MTOR: variants seen among roughly 807,000 people sequenced by gnomAD.
MTOR encodes serine/threonine-protein kinase mTOR.
Under a neutral mutation model 319.8 loss-of-function variants are expected in MTOR, and 70 were observed. The observed-to-expected ratio is 0.22, with a 90% CI of 0.18 to 0.27. The LOEUF (loss-of-function observed/expected upper bound fraction) is 0.27, where lower values mean the gene tolerates loss of function less well. Ranked by LOEUF, MTOR falls within the 10% of genes least tolerant of loss-of-function variation. The pLI, the probability that MTOR is intolerant of heterozygous loss-of-function variation, is 1.00. For missense variants in MTOR, 1,890 were observed against 3,274.4 expected (o/e 0.58, Z 10.32); for synonymous variants, 1,183 against 1,211.4 (o/e 0.98, Z 0.49).
chr1:11,257,237 A>G, intron 3 of MTOR, 72 bp from the exon 4 acceptor site: 1 of 1,358,210 alleles, frequency 7.4e-7, no homozygotes, highest in East Asian at 2.5e-5. Flanking sequence ...GACTTCAACT[A>G]AAAGCTGGTG....
At chr1:11,248,252 C>A (rs1027095350) in intron 6 of MTOR, among the ~76,000 whole-genome samples, 158 bp from the exon 7 acceptor site, 1 of 152,166 alleles carries the variant, frequency 6.6e-6, no homozygotes, top group African/African-American at 2.4e-5. Flanking sequence ...TACAATTTCC[C>A]CAGAACCTTG....
intron 25 of MTOR, among the ~76,000 whole-genome samples, chr1:11,205,250 A>G (rs1287151658): frequency 3.3e-5 from 5 of 152,186 alleles, no homozygotes; most frequent in Non-Finnish European, 7.3e-5. Flanking sequence ...TGAACTCTCC[A>G]GACATCAAGA....
At chr1:11,164,120 G>A (rs1236275405) in intron 29 of MTOR, among the ~76,000 whole-genome samples, 8 of 152,098 alleles carry the variant, frequency 5.3e-5, no homozygotes, top group East Asian at 1.9e-4. Context: ...CGAGGTGGGC[G>A]GATCACGAGG....
In MTOR at chr1:11,220,820, C is replaced by T. The variant is rs187828264; in HGVS notation, c.3031-4586G>A. 1.6e-4 allele frequency among the ~76,000 whole-genome samples: 24 copies of T among 152,184 alleles called. No individual in the cohort carries two copies. In the East Asian group the frequency reaches 4.4e-3, roughly 28 times the overall value. On this transcript the variant is annotated intron_variant, in intron 19 of 57. Coordinates refer to ENST00000361445, the MANE Select transcript of MTOR (RefSeq NM_004958.4). Reference sequence around the variant, plus strand: ...CCTAGAGAGCTGTAAGATAAGAAATCTGTGTTAAGCCACTAAATTTGTGGT... The same window carrying T: ...CCTAGAGAGCTGTAAGATAAGAAATTTGTGTTAAGCCACTAAATTTGTGGT...
At position 11,147,708 on chromosome 1, in the gene MTOR, CAGA is replaced by C. The variant is rs567867380; in HGVS notation, c.4571-920_4571-918del. 3.9e-4 allele frequency among the ~76,000 whole-genome samples: 60 copies of C among 152,286 alleles called. 1 individual carries two copies. Among genetic ancestry groups the C allele is most frequent in the African/African-American group, 1.2e-3 (51 of 41,556 alleles). ...TATAAGCTCTGTGACTCAAGAGGGACAGAAGAAGAGAATGGAGGTAGAGGGTTA... is the reference window on the plus strand; with the variant it reads ...TATAAGCTCTGTGACTCAAGAGGGACAGAAGAGAATGGAGGTAGAGGGTTA... On this transcript the variant is annotated intron_variant, in intron 31 of 57. Coordinates refer to ENST00000361445, the MANE Select transcript of MTOR (RefSeq NM_004958.4).
At chr1:11,260,491 G>A (rs916096751) in intron 1 of MTOR, among the ~76,000 whole-genome samples, 1 of 151,584 alleles carries the variant, frequency 6.6e-6, no homozygotes, top group South Asian at 2.1e-4. Context: ...GCAGTGAGCT[G>A]AGATTGGGCC....
intron 29 of MTOR, among the ~76,000 whole-genome samples, chr1:11,159,340 T>G (rs1468732882): frequency 2.0e-5 from 3 of 152,110 alleles, no homozygotes; most frequent in African/African-American, 7.2e-5. Flanking sequence ...CTTAGTCTAG[T>G]TACAGATAAT....
chr1:11,183,534 A>G (rs1645223949), intron 28 of MTOR, among the ~76,000 whole-genome samples: 1 of 152,208 alleles, frequency 6.6e-6, no homozygotes, highest in South Asian at 2.1e-4. Context: ...ATTGAAGATA[A>G]TAGAAATATT....
intron 28 of MTOR, among the ~76,000 whole-genome samples, chr1:11,183,224 G>A (rs1288052646): frequency 6.6e-6 from 1 of 152,126 alleles, no homozygotes; most frequent in Non-Finnish European, 1.5e-5. Context: ...AATGAGATGG[G>A]ATAGCTTTTC....
At chr1:11,261,639 G>A (rs1201857223) in intron 1 of MTOR, among the ~76,000 whole-genome samples, 1 of 151,940 alleles carries the variant, frequency 6.6e-6, no homozygotes, top group Non-Finnish European at 1.5e-5. Context: ...AAGGCACAGA[G>A]GAAAAACCTG....
intron 29 of MTOR, among the ~76,000 whole-genome samples, chr1:11,159,055 T>C (rs928710944): frequency 6.6e-6 from 1 of 152,132 alleles, no homozygotes; most frequent in African/African-American, 2.4e-5. Flanking sequence ...AACCTGAAGA[T>C]GGAGAAAGTT....
At chr1:11,176,843 G>A (rs952857758) in intron 28 of MTOR, among the ~76,000 whole-genome samples, 8 of 152,208 alleles carry the variant, frequency 5.3e-5, no homozygotes, top group African/African-American at 1.9e-4. Flanking sequence ...GGAAGATCTG[G>A]GGTTGGCTAG....
intron 49 of MTOR, among the ~76,000 whole-genome samples, chr1:11,120,313 T>G (rs1042169448): frequency 6.6e-6 from 1 of 151,782 alleles, no homozygotes; most frequent in Admixed American, 6.6e-5. Flanking sequence ...CCAAGGTGGG[T>G]GGATCACTTG....
At chr1:11,194,185 A>G (rs12142212) in intron 28 of MTOR, among the ~76,000 whole-genome samples, 9,296 of 152,278 alleles carry the variant, frequency 0.061, 416 homozygotes, top group South Asian at 0.12. Flanking sequence ...TGTGGGATTC[A>G]GCAAAAACAT....
At chr1:11,182,177 A>C (rs1571090098) in intron 28 of MTOR, among the ~76,000 whole-genome samples, 2 of 151,928 alleles carry the variant, frequency 1.3e-5, no homozygotes, top group African/African-American at 4.8e-5. Flanking sequence ...AGATTGCGCC[A>C]CTGCGCTCCA....
rs1650210391 is a variant in MTOR, at chr1:11,255,247, A to G, written c.705+745T>C. 2.6e-5 allele frequency among the ~76,000 whole-genome samples: 4 copies of G among 151,668 alleles called. No homozygotes were observed. The South Asian group carries it at 6.3e-4, about 24-fold the overall frequency. On this transcript the variant is annotated intron_variant, in intron 5 of 57. Coordinates refer to ENST00000361445, the MANE Select transcript of MTOR (RefSeq NM_004958.4). ...AAAACACAAAAATTGGCTGGGCGTG[A>G]TGGCACATGCCTGTAGTCCCAGCTA... is the stretch of plus-strand genomic sequence containing the variant.
At chr1:11,228,602 CA>C in intron 19 of MTOR, 65 bp downstream of exon 19, 1 of 1,570,808 alleles carries the variant, frequency 6.4e-7, no homozygotes, top group South Asian at 1.2e-5. Flanking sequence ...GAAGCTGAAG[CA>C]CAGATGGATC....
At chr1:11,201,138 G>T (rs1416391101) in intron 26 of MTOR, among the ~76,000 whole-genome samples, 1 of 152,140 alleles carries the variant, frequency 6.6e-6, no homozygotes. Flanking sequence ...AGACCAGCCA[G>T]GGCAATAACC....
intron 28 of MTOR, among the ~76,000 whole-genome samples, chr1:11,177,842 T>G (rs2100654375): frequency 6.6e-6 from 1 of 152,296 alleles, no homozygotes; most frequent in East Asian, 1.9e-4. Context: ...GAAGTACCAC[T>G]TTTTAAAAAG....
Sources: allele counts gnomAD v4.1 joint callset (sites outside exome capture counted in the v4.1 genomes callset), GRCh38; gene constraint gnomAD v4.1.1; transcripts MANE v1.5; gene names NCBI Gene and HGNC (gene_info 2026-07-23, HGNC 2026-07-21).